SNX29: variants seen among roughly 807,000 people sequenced by gnomAD.
SNX29 encodes the protein sorting nexin 29.
A neutral mutation model predicts 102.1 loss-of-function variants in SNX29; 78 were observed. The ratio of observed to expected loss-of-function variants is 0.76; its 90% CI spans 0.64 to 0.92. SNX29 has a LOEUF of 0.92. SNX29 is among the 40% of genes least tolerant of loss of function. The probability of loss-of-function intolerance (pLI) is 0.00; values close to 1 mark genes in which losing one functional copy is unlikely to be tolerated. For missense variants in SNX29, 1,280 were observed against 1,061.7 expected, an observed-to-expected ratio of 1.21 and a Z score of -2.86; for synonymous variants, 580 against 414.5, an observed-to-expected ratio of 1.40 and a Z score of -4.85.
intron 1 of SNX29, among the ~76,000 whole-genome samples, chr16:11,998,128 T>C (rs1298575659): frequency 6.6e-6 from 1 of 152,226 alleles, no homozygotes; most frequent in Middle Eastern, 3.2e-3. Flanking sequence ...GCCCTGCTGC[T>C]ACTCTCTGGT....
At chr16:12,351,594 G>C (rs914793951) in intron 15 of SNX29, among the ~76,000 whole-genome samples, 1 of 151,804 alleles carries the variant, frequency 6.6e-6, no homozygotes, top group Admixed American at 6.6e-5. Flanking sequence ...TGAAAAATTT[G>C]TAATCCTTTT....
At chr16:12,340,028 G>A (rs2081567530) in intron 15 of SNX29, among the ~76,000 whole-genome samples, 1 of 152,168 alleles carries the variant, frequency 6.6e-6, no homozygotes, top group African/African-American at 2.4e-5. Flanking sequence ...TCACCATGAG[G>A]GTCACTGAAA....
At chr16:12,559,775 T>G (rs1240876940) in intron 20 of SNX29, among the ~76,000 whole-genome samples, 1 of 152,114 alleles carries the variant, frequency 6.6e-6, no homozygotes, top group Non-Finnish European at 1.5e-5. Context: ...TCTGAAAGCA[T>G]TACACAGCAC....
intron 13 of SNX29, among the ~76,000 whole-genome samples, chr16:12,154,352 C>T (rs1233104256): frequency 6.6e-6 from 1 of 151,722 alleles, no homozygotes; most frequent in Non-Finnish European, 1.5e-5. Flanking sequence ...TGAGACCCCC[C>T]ACAGTGGGAG....
intron 16 of SNX29, among the ~76,000 whole-genome samples, chr16:12,383,389 C>A (rs1032480944): frequency 8.5e-5 from 13 of 152,176 alleles, no homozygotes; most frequent in African/African-American, 3.1e-4. Flanking sequence ...AGTTCGGTGA[C>A]CACCGAATTA....
At chr16:12,557,644 G>C (rs2078452086) in intron 20 of SNX29, 1 of 152,174 alleles carries the variant, frequency 6.6e-6, no homozygotes, top group Admixed American at 6.5e-5. Context: ...TTGCAGGTGT[G>C]AGCCACTACA....
chr16:12,416,291 C>T (rs1476550258), intron 18 of SNX29, among the ~76,000 whole-genome samples: 2 of 152,082 alleles, frequency 1.3e-5, no homozygotes, highest in Non-Finnish European at 2.9e-5. Flanking sequence ...CGGGGCACCG[C>T]CCAGTCACTC....
intron 14 of SNX29, among the ~76,000 whole-genome samples, chr16:12,271,864 C>G (rs2150989897): frequency 6.6e-6 from 1 of 152,274 alleles, no homozygotes; most frequent in East Asian, 1.9e-4. Context: ...CTCAAGTGAT[C>G]CGCCTGCCTT....
intron 20 of SNX29, among the ~76,000 whole-genome samples, chr16:12,567,725 G>A (rs947558576): frequency 6.6e-6 from 1 of 152,158 alleles, no homozygotes; most frequent in Admixed American, 6.5e-5. Flanking sequence ...TTACACGATT[G>A]CACTGTAAAA....
intron 3 of SNX29, among the ~76,000 whole-genome samples, chr16:12,026,851 C>G (rs1049624356): frequency 4.6e-5 from 7 of 152,158 alleles, no homozygotes; most frequent in African/African-American, 1.7e-4. Flanking sequence ...CATGAAATTA[C>G]ACAATGTTTC....
intron 15 of SNX29, among the ~76,000 whole-genome samples, chr16:12,283,147 G>A (rs2079487607): frequency 6.6e-6 from 1 of 152,114 alleles, no homozygotes; most frequent in Admixed American, 6.5e-5. Flanking sequence ...CACATCCATT[G>A]AGCGCCTTCT....
At chr16:12,425,355 C>A (rs1294312315) in intron 18 of SNX29, among the ~76,000 whole-genome samples, 1 of 151,858 alleles carries the variant, frequency 6.6e-6, no homozygotes, top group Non-Finnish European at 1.5e-5. Context: ...CAACAGATGC[C>A]ATAAGATCAG....
intron 19 of SNX29, among the ~76,000 whole-genome samples, chr16:12,517,412 A>G (rs1393716620): frequency 6.6e-6 from 1 of 152,050 alleles, no homozygotes; most frequent in African/African-American, 2.4e-5. Flanking sequence ...GTCTTCACTC[A>G]CTTGCTCCCT....
chr16:12,321,033 C>G (rs2080913736), intron 15 of SNX29, among the ~76,000 whole-genome samples: 1 of 152,132 alleles, frequency 6.6e-6, no homozygotes, highest in African/African-American at 2.4e-5. Context: ...GAAGAAAATC[C>G]TCACCCTCCT....
chr16:12,005,192 C>T (rs1325730559), intron 3 of SNX29, among the ~76,000 whole-genome samples: 1 of 152,192 alleles, frequency 6.6e-6, no homozygotes, highest in East Asian at 1.9e-4. Flanking sequence ...ATGTTTGTGG[C>T]ATTAGATCAT....
intron 11 of SNX29, among the ~76,000 whole-genome samples, chr16:12,110,176 T>C (rs1011560289): frequency 6.6e-5 from 10 of 152,106 alleles, no homozygotes; most frequent in African/African-American, 2.2e-4. Flanking sequence ...TGTCTAAAGC[T>C]GCAAATGGCT....
chr16:12,468,151 G>A (rs1203777959), intron 18 of SNX29, among the ~76,000 whole-genome samples: 1 of 146,808 alleles, frequency 6.8e-6, no homozygotes, highest in Non-Finnish European at 1.5e-5. Context: ...CCCCTTCCAG[G>A]ACTGTCTACT....
chr16:12,107,185 C>A (rs555598643), intron 11 of SNX29, among the ~76,000 whole-genome samples: 1 of 152,114 alleles, frequency 6.6e-6, no homozygotes, highest in African/African-American at 2.4e-5. Flanking sequence ...CAAGGCTGCA[C>A]GTGAAGGCGA....
At chr16:12,478,198 T>C (rs1438044017) in intron 19 of SNX29, among the ~76,000 whole-genome samples, 2 of 152,202 alleles carry the variant, frequency 1.3e-5, no homozygotes, top group Admixed American at 6.5e-5. Context: ...TAAGCAACCG[T>C]AGACAGTACA....
Sources: gnomAD v4.1 joint callset for allele counts (sites outside exome capture counted in the v4.1 genomes callset) on GRCh38, gnomAD v4.1.1 for gene constraint, MANE v1.5 for transcripts, NCBI Gene and HGNC (gene_info 2026-07-23, HGNC 2026-07-21) for gene names.